LRSAM1: variants seen among roughly 807,000 people sequenced by gnomAD.
LRSAM1 encodes the protein E3 ubiquitin-protein ligase LRSAM1.
LRSAM1 carries 96 observed loss-of-function variants against 118.1 expected under a neutral mutation model. The observed-to-expected ratio is 0.81, with a 90% CI of 0.69 to 0.96. The LOEUF (loss-of-function observed/expected upper bound fraction) is 0.96, where lower values mean the gene tolerates loss of function less well. LRSAM1 is among the 40% of genes least tolerant of loss of function. The pLI is 0.00. For missense variants in LRSAM1, 804 were observed against 915.5 expected (o/e 0.88, Z 1.57); for synonymous variants, 322 against 364.2 (o/e 0.88, Z 1.32).
rs367860563 is a variant in LRSAM1 at position 127,502,759 on chromosome 9, G to A, written c.2047-15G>A. The stretch of plus-strand genomic sequence containing the variant: ...CCGGTAGGGCCAGCCACATGCTCCC[G>A]CTCTCCCTCCCCAGGCCCAGATGAT... On this transcript the variant is annotated splice_polypyrimidine_tract_variant and intron_variant, in intron 25 of 25. Coordinates refer to ENST00000300417, the MANE Select transcript of LRSAM1 (RefSeq NM_001005373.4). 33 of 1,581,448 alleles carry A rather than the reference G, an allele frequency of 2.1e-5. No homozygotes were observed. Among genetic ancestry groups the A allele is most frequent in the South Asian group, 1.2e-4 (11 of 90,418 alleles).
chr9:127,453,984 G>T (rs1193589985), intron 2 of LRSAM1: 1 of 195,928 alleles, frequency 5.1e-6, no homozygotes, highest in Non-Finnish European at 1.1e-5. Context: ...TCGCTAGAAA[G>T]ACACTGACCC....
intron 22 of LRSAM1, 84 bp from the exon 23 acceptor site, chr9:127,495,880 A>G (rs1836115828): frequency 6.4e-7 from 1 of 1,554,264 alleles, no homozygotes; most frequent in Non-Finnish European, 8.7e-7. Flanking sequence ...ATTATGTTAT[A>G]AATATTCAAA....
intron 6 of LRSAM1, 85 bp from the exon 7 acceptor site, chr9:127,458,918 G>A: frequency 1.5e-6 from 2 of 1,346,682 alleles, no homozygotes; most frequent in Non-Finnish European, 2.1e-6. Context: ...GGTGTGAGGT[G>A]GCCCCAGCCC....
chr9:127,468,550 A>C (rs1835043477), intron 10 of LRSAM1, among the ~76,000 whole-genome samples: 1 of 152,182 alleles, frequency 6.6e-6, no homozygotes. Flanking sequence ...TGGCCATTGC[A>C]AAACAGTGGG....
At chr9:127,460,928 T>C (rs1834716888) in intron 7 of LRSAM1, among the ~76,000 whole-genome samples, 5 of 134,432 alleles carry the variant, frequency 3.7e-5, no homozygotes, top group Non-Finnish European at 6.2e-5. Context: ...CAATCTCAGC[T>C]CACCGCAACC....
chr9:127,474,114 C>G (rs907297728), intron 11 of LRSAM1, among the ~76,000 whole-genome samples, 183 bp downstream of exon 11: 3 of 152,178 alleles, frequency 2.0e-5, no homozygotes, highest in African/African-American at 7.2e-5. Flanking sequence ...CTGTGGCAGC[C>G]TCACCCCACC....
intron 7 of LRSAM1, 86 bp from the exon 8 acceptor site, chr9:127,461,087 C>T: frequency 1.0e-6 from 1 of 999,282 alleles, no homozygotes; most frequent in Non-Finnish European, 1.5e-6. Context: ...AACTCTTGAC[C>T]TTGTGATCCA....
At chr9:127,487,197 A>C (rs1464179376) in intron 17 of LRSAM1, among the ~76,000 whole-genome samples, 1 of 151,942 alleles carries the variant, frequency 6.6e-6, no homozygotes, top group Non-Finnish European at 1.5e-5. Context: ...AAAAAAAAAA[A>C]AAACAACCAA....
intron 18 of LRSAM1, among the ~76,000 whole-genome samples, chr9:127,488,450 TG>T (rs1331266407): frequency 6.6e-6 from 1 of 151,950 alleles, no homozygotes; most frequent in Admixed American, 6.6e-5. Context: ...TTAGTAGAGA[TG>T]GGGTTTTGCC....
At chr9:127,460,128 TA>T (rs1013437409) in intron 7 of LRSAM1, among the ~76,000 whole-genome samples, 4 of 151,976 alleles carry the variant, frequency 2.6e-5, no homozygotes, top group Non-Finnish European at 5.9e-5. Flanking sequence ...GCCTCCTAAG[TA>T]GCTGGAATTA....
intron 25 of LRSAM1, among the ~76,000 whole-genome samples, chr9:127,502,332 C>T (rs1273283925): frequency 6.6e-6 from 1 of 152,216 alleles, no homozygotes; most frequent in Admixed American, 6.5e-5. Context: ...TGTTCTGTTT[C>T]TGTGGTGGTC....
chr9:127,468,810 C>CAAAAAA (rs1185949155), intron 10 of LRSAM1, among the ~76,000 whole-genome samples: 1 of 16,450 alleles, frequency 6.1e-5, no homozygotes, highest in African/African-American at 1.7e-4. Flanking sequence ...CCTGTCTCTA[C>CAAAAAA]AAAAAAAAAA....
intron 21 of LRSAM1, among the ~76,000 whole-genome samples, 199 bp downstream of exon 21, chr9:127,493,096 C>A (rs1188321131): frequency 6.6e-6 from 1 of 152,232 alleles, no homozygotes; most frequent in Non-Finnish European, 1.5e-5. Context: ...GGGTCTCACT[C>A]TGTCGCCCAG....
chr9:127,466,471 G>C (rs532820610), intron 9 of LRSAM1, among the ~76,000 whole-genome samples: 3 of 72,946 alleles, frequency 4.1e-5, no homozygotes, highest in South Asian at 1.2e-3. Context: ...AACAAAGGAA[G>C]AATCATATAT....
chr9:127,497,238 C>T lies in LRSAM1; in HGVS notation c.1831-15C>T. On this transcript the variant is annotated splice_polypyrimidine_tract_variant and intron_variant, in intron 23 of 25. Coordinates refer to ENST00000300417, the MANE Select transcript of LRSAM1 (RefSeq NM_001005373.4). ...CCGCCCAGGCCACAGTCTGCACTTC[C>T]TTGAACTGTCACAGGTGGGCGTCTC... 6.2e-7 allele frequency: 1 copy of T among 1,612,826 alleles called. No individual in the cohort carries two copies. The highest frequency in any genetic ancestry group is 8.5e-7 in the Non-Finnish European group (1 of 1,179,792).
intron 16 of LRSAM1, 80 bp downstream of exon 16, chr9:127,483,100 C>A: frequency 7.4e-7 from 1 of 1,358,352 alleles, no homozygotes; most frequent in Non-Finnish European, 1.0e-6. Flanking sequence ...CCTCTGTTGG[C>A]CATGCATGGA....
intron 2 of LRSAM1, chr9:127,453,983 A>G (rs1050660689): frequency 4.1e-5 from 8 of 194,930 alleles, no homozygotes; most frequent in African/African-American, 1.9e-4. Context: ...CTCGCTAGAA[A>G]GACACTGACC....
chr9:127,489,671 C>T (rs1305874098), intron 19 of LRSAM1, among the ~76,000 whole-genome samples, 153 bp downstream of exon 19: 1 of 152,184 alleles, frequency 6.6e-6, no homozygotes, highest in Non-Finnish European at 1.5e-5. Context: ...CAGAACCTCC[C>T]TTTGCTCCCA....
chr9:127,484,222 C>T (rs10987664), intron 16 of LRSAM1, among the ~76,000 whole-genome samples: 30,903 of 148,798 alleles, frequency 0.21, 3,666 homozygotes, highest in Admixed American at 0.33. Flanking sequence ...ATAATGTCCT[C>T]GGGTTCATCC....
Sources: gnomAD v4.1 joint callset for allele counts (sites outside exome capture counted in the v4.1 genomes callset) on GRCh38, gnomAD v4.1.1 for gene constraint, MANE v1.5 for transcripts, NCBI Gene and HGNC (gene_info 2026-07-23, HGNC 2026-07-21) for gene names.